CDH4: variants seen among roughly 807,000 people sequenced by gnomAD.
CDH4 encodes cadherin 4, also known as cadherin-4.
Under a neutral mutation model 86.0 loss-of-function variants are expected in CDH4, and 33 were observed. That is an observed-to-expected ratio of 0.38 (90% CI 0.29 to 0.51). The LOEUF (loss-of-function observed/expected upper bound fraction) is 0.51. Ranked by LOEUF, CDH4 falls within the 20% of genes least tolerant of loss-of-function variation. CDH4 has a pLI of 0.86. For synonymous variants in CDH4, 555 were observed against 549.4 expected (o/e 1.01, Z -0.14); for missense variants, 1,114 against 1,307.4 (o/e 0.85, Z 2.28).
intron 2 of CDH4, among the ~76,000 whole-genome samples, chr20:61,695,122 G>A (rs2087702762): frequency 6.6e-6 from 1 of 152,250 alleles, no homozygotes; most frequent in Non-Finnish European, 1.5e-5. Flanking sequence ...TGAATGCTTT[G>A]AAGCCGTGCC....
intron 4 of CDH4, among the ~76,000 whole-genome samples, chr20:61,825,724 C>A (rs1258047571): frequency 6.6e-6 from 1 of 152,244 alleles, no homozygotes; most frequent in Non-Finnish European, 1.5e-5. Flanking sequence ...ACCTGCCATG[C>A]TCCAAGGCAT....
intron 2 of CDH4, among the ~76,000 whole-genome samples, chr20:61,530,373 G>T (rs985927498): frequency 2.0e-5 from 3 of 152,104 alleles, no homozygotes; most frequent in Non-Finnish European, 4.4e-5. Context: ...TGCCCCAGTG[G>T]CCCTTCCTTA....
intron 2 of CDH4, among the ~76,000 whole-genome samples, chr20:61,285,271 A>G (rs560392009): frequency 6.6e-6 from 1 of 152,346 alleles, no homozygotes; most frequent in South Asian, 2.1e-4. Context: ...CGAAGCCACG[A>G]AGCAGCAGAG....
In CDH4 at chr20:61,799,870, G is replaced by A. The variant is rs567607344; in HGVS notation, c.576+26688G>A. On this transcript the variant is annotated intron_variant, in intron 4 of 15. Transcript: ENST00000614565. The stretch of plus-strand genomic sequence containing the variant: ...ATGGCTGCCAGCCTCATAACACCAC[G>A]GTCCCTGCGGGGCCTCGAGTGGGGC... Among the ~76,000 whole-genome samples, 97 of 152,292 alleles carry A rather than the reference G, an allele frequency of 6.4e-4. 5 individuals are homozygous for A. The South Asian group carries it at 0.019, about 30-fold the overall frequency.
intron 2 of CDH4, among the ~76,000 whole-genome samples, chr20:61,383,376 TG>T (rs376481814): frequency 9.4e-5 from 4 of 42,404 alleles, no homozygotes; most frequent in South Asian, 5.6e-4. Flanking sequence ...TGAATATATA[TG>T]GATATATATG....
chr20:61,405,445 G>T (rs2085076578), intron 2 of CDH4, among the ~76,000 whole-genome samples: 1 of 152,024 alleles, frequency 6.6e-6, no homozygotes, highest in Non-Finnish European at 1.5e-5. Context: ...GTAAAGTAAA[G>T]ATAAAAACCA....
rs1420249091 is a variant in CDH4, at chr20:61,565,206, C to T, written c.170-178357C>T. ...GTGGTGGTCCTCTTGGTGGTGGTCGCGGTGCTCTCGGTGGTAGGTGGTGGT... is the reference window on the plus strand; with the variant it reads ...GTGGTGGTCCTCTTGGTGGTGGTCGTGGTGCTCTCGGTGGTAGGTGGTGGT... On this transcript the variant is annotated intron_variant, in intron 2 of 15. Transcript: ENST00000614565. 7.3e-3 allele frequency among the ~76,000 whole-genome samples: 143 copies of T among 19,570 alleles called. 14 individuals carry two copies. The highest frequency in any genetic ancestry group is 0.018 in the African/African-American group (56 of 3,040). The allele number at this position is 19,570 out of a possible 152,430, so 12.8% of individuals were successfully genotyped here. A position where few individuals can be genotyped will look rare whatever the true frequency, so the allele number is the denominator to read the frequency against.
chr20:61,933,351 C>T (rs1472253141), intron 14 of CDH4, among the ~76,000 whole-genome samples: 1 of 152,258 alleles, frequency 6.6e-6, no homozygotes, highest in Non-Finnish European at 1.5e-5. Context: ...GCCTTCTTCC[C>T]TCCCATCACC....
intron 4 of CDH4, among the ~76,000 whole-genome samples, chr20:61,791,417 G>A (rs1979194247): frequency 6.6e-6 from 1 of 152,242 alleles, no homozygotes; most frequent in Non-Finnish European, 1.5e-5. Context: ...TAGAGGAAAT[G>A]TTAGGTTTTT....
intron 2 of CDH4, among the ~76,000 whole-genome samples, chr20:61,624,955 AC>A (rs111882484): frequency 1.3e-5 from 2 of 152,362 alleles, no homozygotes; most frequent in African/African-American, 4.8e-5. Flanking sequence ...GACTGGGGCC[AC>A]AGAATAACTG....
chr20:61,717,772 G>C (rs183241394), intron 2 of CDH4: 1 of 152,292 alleles, frequency 6.6e-6, no homozygotes, highest in African/African-American at 2.4e-5. Flanking sequence ...ACAGGCGTGA[G>C]CCACCATGTC....
intron 5 of CDH4, among the ~76,000 whole-genome samples, chr20:61,851,083 G>A (rs751801660): frequency 9.9e-5 from 15 of 152,234 alleles, no homozygotes; most frequent in Non-Finnish European, 1.6e-4. Flanking sequence ...CAGATGGGTC[G>A]GGGATGGGGG....
intron 2 of CDH4, among the ~76,000 whole-genome samples, chr20:61,291,829 ATCATT>A (rs1182038343): frequency 6.6e-6 from 1 of 152,160 alleles, no homozygotes; most frequent in Non-Finnish European, 1.5e-5. Context: ...TATTATACAT[ATCATT>A]TCATCTCCCA....
chr20:61,255,104 A>G (rs1461099455), intron 2 of CDH4, among the ~76,000 whole-genome samples, 167 bp downstream of exon 2: 1 of 152,176 alleles, frequency 6.6e-6, no homozygotes, highest in African/African-American at 2.4e-5. Flanking sequence ...GTTTTGCATA[A>G]CAGGTGAATG....
chr20:61,894,030 C>T (rs1028520024), intron 7 of CDH4, among the ~76,000 whole-genome samples: 5 of 152,178 alleles, frequency 3.3e-5, no homozygotes, highest in South Asian at 2.1e-4. Flanking sequence ...TTGTTAGTCA[C>T]TTGGAGAGCA....
At chr20:61,257,497 TC>T (rs900568999) in intron 2 of CDH4, among the ~76,000 whole-genome samples, 3 of 152,232 alleles carry the variant, frequency 2.0e-5, no homozygotes, top group African/African-American at 7.2e-5. Context: ...TCGCTGCTGA[TC>T]GGAGCCTTCC....
chr20:61,328,080 G>C (rs1439756362), intron 2 of CDH4, among the ~76,000 whole-genome samples: 1 of 152,234 alleles, frequency 6.6e-6, no homozygotes, highest in African/African-American at 2.4e-5. Flanking sequence ...GTACAGTTTA[G>C]CTAGGGAGCA....
intron 2 of CDH4, among the ~76,000 whole-genome samples, chr20:61,605,692 C>T (rs34563475): frequency 6.8e-4 from 104 of 152,154 alleles, no homozygotes; most frequent in Non-Finnish European, 1.3e-3. Context: ...TCACTCTTTT[C>T]CTGCCTCTCC....
chr20:61,508,061 A>G (rs1318449048), intron 2 of CDH4, among the ~76,000 whole-genome samples: 1 of 152,230 alleles, frequency 6.6e-6, no homozygotes, highest in Non-Finnish European at 1.5e-5. Flanking sequence ...CATGCTGGGC[A>G]TTCAAGTTTG....
Sources: gnomAD v4.1 joint callset for allele counts (sites outside exome capture counted in the v4.1 genomes callset) on GRCh38, gnomAD v4.1.1 for gene constraint, MANE v1.5 for transcripts, NCBI Gene and HGNC (gene_info 2026-07-23, HGNC 2026-07-21) for gene names.